The following CHRM5 variants were observed in gnomAD, a reference collection of about 807,000 sequenced individuals.
The protein encoded by CHRM5 is cholinergic receptor muscarinic 5.
Under a neutral mutation model 39.0 loss-of-function variants are expected in CHRM5, and 18 were observed. That is an observed-to-expected ratio of 0.46 (90% CI 0.32 to 0.68). The LOEUF is 0.68. Ranked by LOEUF, CHRM5 falls within the 30% of genes least tolerant of loss-of-function variation. The pLI is 0.04. For synonymous variants in CHRM5, 241 were observed against 246.3 expected, an observed-to-expected ratio of 0.98 and a Z score of 0.20; for missense variants, 515 against 651.1, an observed-to-expected ratio of 0.79 and a Z score of 2.28.
At chr15:34,034,741 C>A (rs1381070829) in intron 1 of CHRM5, among the ~76,000 whole-genome samples, 1 of 152,054 alleles carries the variant, frequency 6.6e-6, no homozygotes, top group South Asian at 2.1e-4. Flanking sequence ...GATAAGGATG[C>A]CAAAATAATT....
intron 1 of CHRM5, among the ~76,000 whole-genome samples, chr15:33,977,624 C>T (rs1895942388): frequency 6.6e-6 from 1 of 152,118 alleles, no homozygotes; most frequent in Non-Finnish European, 1.5e-5. Flanking sequence ...CTCATTACAG[C>T]CCTATGTCTA....
chr15:33,977,948 A>G (rs1437839934), intron 1 of CHRM5, among the ~76,000 whole-genome samples: 1 of 151,598 alleles, frequency 6.6e-6, no homozygotes, highest in Non-Finnish European at 1.5e-5. Context: ...CAGAGAAAAA[A>G]GAAAAGAAAA....
chr15:33,992,232 A>AC (rs1896753504), intron 1 of CHRM5, among the ~76,000 whole-genome samples: 1 of 152,212 alleles, frequency 6.6e-6, no homozygotes, highest in Non-Finnish European at 1.5e-5. Context: ...CTAAAAAAAT[A>AC]CAAAACAGTT....
At chr15:33,984,968 G>A (rs1247465294) in intron 1 of CHRM5, among the ~76,000 whole-genome samples, 1 of 151,994 alleles carries the variant, frequency 6.6e-6, no homozygotes, top group Non-Finnish European at 1.5e-5. Flanking sequence ...TTCACCTCAA[G>A]AGCAGTGGAA....
intron 1 of CHRM5, among the ~76,000 whole-genome samples, chr15:34,031,458 A>C (rs1898818329): frequency 1.3e-5 from 2 of 152,140 alleles, no homozygotes; most frequent in African/African-American, 4.8e-5. Context: ...TACGGGCATG[A>C]GCCACCATGC....
chr15:33,994,377 G>A (rs997640503), intron 1 of CHRM5, among the ~76,000 whole-genome samples: 1 of 152,188 alleles, frequency 6.6e-6, no homozygotes, highest in Non-Finnish European at 1.5e-5. Flanking sequence ...AAGAAAACAA[G>A]CTTAGGACTC....
Position 34,063,944 on chromosome 15 carries a change from G to A in CHRM5, c.1227G>A (p.Val409=). ...KVKIMPCPFP[V]AKEPSTKGLN... ...AAATCATGCCCTGCCCCTTCCCAGT[G>A]GCCAAGGAACCTTCAACGAAAGGCC... The change falls in exon 3 of 3, where the codon GTG becomes GTA. Residue 409 remains valine (V), a synonymous_variant. Transcript: ENST00000383263. The surrounding 1 kb of genome is among the most constrained non-coding windows in gnomAD (Gnocchi z 4.1). 1 of 1,614,106 alleles carries A rather than the reference G, an allele frequency of 6.2e-7. No homozygotes were observed. The highest frequency in any genetic ancestry group is 8.5e-7 in the Non-Finnish European group (1 of 1,180,028).
At chr15:33,983,146 GTGTGTGTGTGTGTA>G (rs1332108322) in intron 1 of CHRM5, among the ~76,000 whole-genome samples, 7 of 115,290 alleles carry the variant, frequency 6.1e-5, no homozygotes, top group Admixed American at 4.4e-4. Context: ...GTGTGTGTGT[GTGTGTGTGTGTGTA>G]TGTGTGTGTG....
chr15:34,033,008 T>C (rs577301364), intron 1 of CHRM5, among the ~76,000 whole-genome samples: 10 of 152,304 alleles, frequency 6.6e-5, no homozygotes, highest in African/African-American at 9.6e-5. Flanking sequence ...CTGAGTGACA[T>C]TGATATGGCA....
chr15:33,976,972 A>G (rs901738754), intron 1 of CHRM5, among the ~76,000 whole-genome samples: 1 of 152,210 alleles, frequency 6.6e-6, no homozygotes, highest in African/African-American at 2.4e-5. Flanking sequence ...GAAGGAAACC[A>G]ATTCCCAGCA....
At chr15:34,002,929 A>G (rs1182962801) in intron 1 of CHRM5, 8 of 1,094,138 alleles carry the variant, frequency 7.3e-6, no homozygotes, top group East Asian at 2.5e-5. Flanking sequence ...CCAAAGAACA[A>G]AGGATAAATT....
At chr15:34,038,915 GCCGCCGCCT>G (rs910904456) in intron 1 of CHRM5, 16 of 721,622 alleles carry the variant, frequency 2.2e-5, no homozygotes, top group Non-Finnish European at 6.9e-6. Flanking sequence ...CTCCGTCCCC[GCCGCCGCCT>G]CCGCCGCCGC....
chr15:34,060,594 C>T (rs1429765453), intron 2 of CHRM5, among the ~76,000 whole-genome samples: 2 of 152,154 alleles, frequency 1.3e-5, no homozygotes. Context: ...AAAAGATTTT[C>T]ACCGGGCACG....
chr15:33,998,217 A>C (rs943722733), intron 1 of CHRM5, among the ~76,000 whole-genome samples: 24 of 152,196 alleles, frequency 1.6e-4, no homozygotes, highest in Admixed American at 2.6e-4. Flanking sequence ...TATCAAGCTC[A>C]TATCTACTAA....
rs192246011 is a variant in CHRM5 at position 33,969,417 on chromosome 15, A to G, written c.-408+267A>G. Among the ~76,000 whole-genome samples the G allele has an allele frequency of 1.3e-3, 195 of 152,030 alleles. 4 individuals carry two copies. In the East Asian group the frequency reaches 0.036, roughly 28 times the overall value. The stretch of plus-strand genomic sequence containing the variant: ...TTTTATCCCAATTTTGTTTTATTTA[A>G]TAGCTTGAAAAAAATGCATGAAGAG... On this transcript the variant is annotated intron_variant, in intron 1 of 2. Transcript: ENST00000383263.
In CHRM5 at chr15:34,063,456, A is replaced by AGG; in HGVS notation, c.741_742dup (p.Ala248GlyfsTer101). ...AGCTGAGAAGAGAAAGCCAGCTCAT[A>AGG]GGGCTCTGTTCAGATCCTGCTTGCG... On this transcript the variant is annotated frameshift_variant, in exon 3 of 3. Coordinates refer to ENST00000383263, the MANE Select transcript of CHRM5 (RefSeq NM_012125.4). LOFTEE classifies it high-confidence loss of function. The surrounding 1 kb of genome is among the most constrained non-coding windows in gnomAD (Gnocchi z 4.1). 1 of 1,613,892 alleles carries AGG rather than the reference A, an allele frequency of 6.2e-7. No individual in the cohort carries two copies. Among genetic ancestry groups the AGG allele is most frequent in the Non-Finnish European group, 8.5e-7 (1 of 1,180,028 alleles).
intron 1 of CHRM5, among the ~76,000 whole-genome samples, chr15:34,007,607 A>G (rs1415363030): frequency 6.6e-6 from 1 of 152,136 alleles, no homozygotes; most frequent in African/African-American, 2.4e-5. Context: ...TTTACTCACT[A>G]CACAATTCCA....
rs1431021119 is a variant in CHRM5 at position 34,053,422 on chromosome 15, C to T, written c.-76+6551C>T. 2.7e-5 allele frequency among the ~76,000 whole-genome samples: 4 copies of T among 149,238 alleles called. No homozygotes were observed. In the East Asian group the frequency reaches 5.9e-4, roughly 22 times the overall value. ...CTGGAGGTGTCGTGCTACCTACTTC[C>T]AAACTGTACTACAAGGCTACAGTAA... On this transcript the variant is annotated intron_variant, in intron 2 of 2. Coordinates refer to ENST00000383263, the MANE Select transcript of CHRM5 (RefSeq NM_012125.4).
chr15:33,974,606 A>G (rs957617055), intron 1 of CHRM5, among the ~76,000 whole-genome samples: 6 of 152,230 alleles, frequency 3.9e-5, no homozygotes, highest in African/African-American at 1.4e-4. Context: ...GAAGATGCTC[A>G]GGGTACATGA....
Sources: allele counts gnomAD v4.1 joint callset (sites outside exome capture counted in the v4.1 genomes callset), GRCh38; gene constraint gnomAD v4.1.1; non-coding constraint Gnocchi (gnomAD v3.1); transcripts MANE v1.5; gene names NCBI Gene and HGNC (gene_info 2026-07-23, HGNC 2026-07-21).